Variants in SH3GL2 observed in about 807,000 individuals in gnomAD.
The protein encoded by SH3GL2 is endophilin-A1.
SH3GL2 carries 24 observed loss-of-function variants against 46.0 expected under a neutral mutation model. The observed-to-expected ratio is 0.52, with a 90% confidence interval of 0.38 to 0.73. The LOEUF (loss-of-function observed/expected upper bound fraction) is 0.73. Ranked by LOEUF, SH3GL2 falls within the 30% of genes least tolerant of loss-of-function variation. The pLI is 0.00. For missense variants in SH3GL2, 413 were observed against 424.2 expected (o/e 0.97, Z 0.23); for synonymous variants, 196 against 147.1 (o/e 1.33, Z -2.40).
intron 3 of SH3GL2, 111 bp downstream of exon 3, chr9:17,761,620 C>T: frequency 1.2e-6 from 1 of 802,068 alleles, no homozygotes; most frequent in Non-Finnish European, 2.2e-6. Flanking sequence ...CTTCCTCGGT[C>T]CACTTTTCTG....
At chr9:17,769,577 T>A (rs1823412822) in intron 3 of SH3GL2, among the ~76,000 whole-genome samples, 1 of 152,134 alleles carries the variant, frequency 6.6e-6, no homozygotes, top group Admixed American at 6.5e-5. Context: ...CTCCAGCTCC[T>A]GTTAATGTCT....
intron 1 of SH3GL2, among the ~76,000 whole-genome samples, chr9:17,585,857 G>T (rs1181309940): frequency 1.3e-5 from 2 of 152,200 alleles, no homozygotes; most frequent in Non-Finnish European, 2.9e-5. Context: ...GAGGCAGCAA[G>T]AGGCAGCAGG....
chr9:17,773,800 G>T (rs1823563609), intron 3 of SH3GL2, among the ~76,000 whole-genome samples: 1 of 151,954 alleles, frequency 6.6e-6, no homozygotes, highest in Non-Finnish European at 1.5e-5. Flanking sequence ...GATTCCATAT[G>T]AATTTTAGGG....
intron 1 of SH3GL2, among the ~76,000 whole-genome samples, chr9:17,619,571 G>A (rs553563445): frequency 1.3e-5 from 2 of 152,150 alleles, no homozygotes; most frequent in Non-Finnish European, 2.9e-5. Flanking sequence ...CCAGCTACTC[G>A]GGAGGCTGAG....
At chr9:17,734,426 C>G (rs1342463364) in intron 1 of SH3GL2, among the ~76,000 whole-genome samples, 1 of 152,116 alleles carries the variant, frequency 6.6e-6, no homozygotes, top group Non-Finnish European at 1.5e-5. Flanking sequence ...CTCAATTATA[C>G]TGTACAGTCT....
At chr9:17,632,847 G>A (rs138598901) in intron 1 of SH3GL2, among the ~76,000 whole-genome samples, 72 of 152,302 alleles carry the variant, frequency 4.7e-4, no homozygotes, top group Non-Finnish European at 9.3e-4. Context: ...AGGAGCTTCT[G>A]CTAATTAAAT....
intron 1 of SH3GL2, among the ~76,000 whole-genome samples, chr9:17,648,845 A>T (rs1018602593): frequency 6.6e-6 from 1 of 152,212 alleles, no homozygotes. Flanking sequence ...ATGACAGTGT[A>T]AGTTACATCT....
intron 1 of SH3GL2, among the ~76,000 whole-genome samples, chr9:17,735,084 C>T (rs780220805): frequency 1.3e-5 from 2 of 152,086 alleles, no homozygotes; most frequent in East Asian, 1.9e-4. Context: ...ACTTTTGCCA[C>T]ATCATGAGAA....
chr9:17,744,103 A>G (rs1181415613), intron 1 of SH3GL2, among the ~76,000 whole-genome samples: 1 of 152,176 alleles, frequency 6.6e-6, no homozygotes, highest in Non-Finnish European at 1.5e-5. Flanking sequence ...TGTAGAAAAT[A>G]TTTTTTATTG....
chr9:17,615,586 C>T (rs2134589516), intron 1 of SH3GL2, among the ~76,000 whole-genome samples: 1 of 140,384 alleles, frequency 7.1e-6, no homozygotes, highest in African/African-American at 2.7e-5. Context: ...ACCCAGGAGG[C>T]AGAGGTTGCA....
At chr9:17,722,118 A>G (rs1821909751) in intron 1 of SH3GL2, among the ~76,000 whole-genome samples, 2 of 152,086 alleles carry the variant, frequency 1.3e-5, no homozygotes, top group South Asian at 4.1e-4. Flanking sequence ...GAGGAAGTGA[A>G]AGACCTGCCC....
chr9:17,724,988 A>G (rs938299288), intron 1 of SH3GL2, among the ~76,000 whole-genome samples: 2 of 152,096 alleles, frequency 1.3e-5, no homozygotes, highest in Non-Finnish European at 2.9e-5. Flanking sequence ...GCTCTAGTAG[A>G]TAAGTGGTTC....
intron 1 of SH3GL2, among the ~76,000 whole-genome samples, chr9:17,657,009 T>C (rs942112479): frequency 1.3e-5 from 2 of 152,162 alleles, no homozygotes; most frequent in African/African-American, 4.8e-5. Flanking sequence ...ACAAAAGTGC[T>C]CTCTGATACT....
chr9:17,592,038 G>A (rs548461092), intron 1 of SH3GL2, among the ~76,000 whole-genome samples: 11 of 152,286 alleles, frequency 7.2e-5, no homozygotes, highest in Admixed American at 5.2e-4. Context: ...TGATTATGGA[G>A]ACTAAATCCT....
At chr9:17,761,264 T>A (rs966273829) in intron 2 of SH3GL2, among the ~76,000 whole-genome samples, 173 bp from the exon 3 acceptor site, 6 of 152,218 alleles carry the variant, frequency 3.9e-5, no homozygotes, top group African/African-American at 1.4e-4. Flanking sequence ...GGCAGACCAC[T>A]GCTGAGTACA....
intron 1 of SH3GL2, among the ~76,000 whole-genome samples, chr9:17,727,393 A>C (rs1215981780): frequency 6.6e-6 from 1 of 152,208 alleles, no homozygotes; most frequent in African/African-American, 2.4e-5. Context: ...AACATGTTAC[A>C]TAGACTCCAC....
intron 3 of SH3GL2, among the ~76,000 whole-genome samples, chr9:17,777,400 T>G (rs1475901704): frequency 6.6e-6 from 1 of 152,180 alleles, no homozygotes; most frequent in Non-Finnish European, 1.5e-5. Context: ...TGATTTAAAG[T>G]TTGTTAAAAT....
intron 1 of SH3GL2, among the ~76,000 whole-genome samples, chr9:17,582,504 G>A (rs1818296153): frequency 6.6e-6 from 1 of 152,102 alleles, no homozygotes; most frequent in African/African-American, 2.4e-5. Context: ...GTTAAAAATA[G>A]CTGTTTCCAG....
chr9:17,714,332 T>C (rs1030580897), intron 1 of SH3GL2, among the ~76,000 whole-genome samples: 10 of 151,808 alleles, frequency 6.6e-5, no homozygotes, highest in African/African-American at 2.2e-4. Context: ...GCCTTTTTTA[T>C]GGATGTTTAG....
Sources: allele counts gnomAD v4.1 joint callset (sites outside exome capture counted in the v4.1 genomes callset), GRCh38; gene constraint gnomAD v4.1.1; transcripts MANE v1.5; gene names NCBI Gene and HGNC (gene_info 2026-07-23, HGNC 2026-07-21).